Variants in NRG4 observed in about 807,000 individuals in gnomAD.
NRG4 encodes pro-neuregulin-4, membrane-bound isoform.
A neutral mutation model predicts 15.0 loss-of-function variants in NRG4; 10 were observed. The ratio of observed to expected loss-of-function variants is 0.67; its 90% confidence interval spans 0.41 to 1.13. The LOEUF is 1.13. Among genes scored for constraint, NRG4 ranks in the 50% most tolerant of loss-of-function variants. The probability of loss-of-function intolerance (pLI) is 0.00; values close to 1 mark genes in which losing one functional copy is unlikely to be tolerated. For missense variants in NRG4, 139 were observed against 140.2 expected, an observed-to-expected ratio of 0.99 and a Z score of 0.04; for synonymous variants, 41 against 50.1, an observed-to-expected ratio of 0.82 and a Z score of 0.77.
intron 3 of NRG4, among the ~76,000 whole-genome samples, chr15:76,006,793 G>A (rs540207516): frequency 1.3e-5 from 2 of 152,234 alleles, no homozygotes; most frequent in African/African-American, 2.4e-5. Context: ...CACTAAAAAC[G>A]CATCTATCCA....
At chr15:76,010,049 C>T (rs2034752183) in intron 2 of NRG4, among the ~76,000 whole-genome samples, 1 of 152,016 alleles carries the variant, frequency 6.6e-6, no homozygotes. Flanking sequence ...ATCTTTCTCT[C>T]TCTGCCTTCC....
At chr15:76,023,130 C>CCACACACACACA (rs10572540) in intron 5 of NRG4, among the ~76,000 whole-genome samples, 13 of 120,100 alleles carry the variant, frequency 1.1e-4, no homozygotes, top group East Asian at 2.6e-4. Context: ...CACCCATACT[C>CCACACACACACA]CACACACACA....
At chr15:76,036,899 G>A (rs2035607893) in intron 4 of NRG4, among the ~76,000 whole-genome samples, 1 of 151,868 alleles carries the variant, frequency 6.6e-6, no homozygotes, top group South Asian at 2.1e-4. Flanking sequence ...CAATTAGACA[G>A]GAAAAAGAAA....
chr15:75,973,696 C>T (rs185211867), intron 3 of NRG4, among the ~76,000 whole-genome samples: 2 of 152,264 alleles, frequency 1.3e-5, no homozygotes, highest in African/African-American at 4.8e-5. Context: ...TTAAACCAGC[C>T]TTGCATCCCA....
At chr15:76,038,001 C>T (rs1489343906) in intron 4 of NRG4, among the ~76,000 whole-genome samples, 1 of 152,184 alleles carries the variant, frequency 6.6e-6, no homozygotes, top group South Asian at 2.1e-4. Context: ...TCTAGACACA[C>T]CCTGGACCCA....
chr15:76,003,291 A>G (rs2034478955), intron 3 of NRG4, among the ~76,000 whole-genome samples: 1 of 152,148 alleles, frequency 6.6e-6, no homozygotes, highest in Admixed American at 6.5e-5. Context: ...CACATCAAAA[A>G]TCGTGAGCTG....
intron 5 of NRG4, among the ~76,000 whole-genome samples, chr15:76,027,956 A>G (rs1354423553): frequency 2.0e-5 from 3 of 152,190 alleles, no homozygotes; most frequent in Non-Finnish European, 4.4e-5. Context: ...AGGAAATCAG[A>G]AAGTCCCATG....
intron 5 of NRG4, among the ~76,000 whole-genome samples, chr15:76,035,428 C>T (rs575793691): frequency 3.3e-5 from 5 of 152,166 alleles, no homozygotes; most frequent in African/African-American, 9.7e-5. Context: ...TCAAGCTGGG[C>T]ACATTGCTGC....
At chr15:75,959,669 T>C (rs28777672) in intron 4 of NRG4, among the ~76,000 whole-genome samples, 6 of 151,760 alleles carry the variant, frequency 4.0e-5, no homozygotes, top group Non-Finnish European at 8.8e-5. Flanking sequence ...TAATTTTTTT[T>C]ATTTTTCATT....
intron 3 of NRG4, among the ~76,000 whole-genome samples, chr15:75,980,384 T>C (rs1463248393): frequency 2.6e-4 from 2 of 7,702 alleles, no homozygotes; most frequent in Non-Finnish European, 1.3e-3. Context: ...TCTTTGGGGA[T>C]TTTTTTTTTT....
intron 5 of NRG4, among the ~76,000 whole-genome samples, chr15:76,023,802 G>A (rs994201285): frequency 6.6e-5 from 10 of 152,194 alleles, no homozygotes; most frequent in African/African-American, 2.2e-4. Flanking sequence ...ACACAGCAGG[G>A]AAACCAATTC....
chr15:75,985,171 G>GA (rs1203874954), intron 3 of NRG4, among the ~76,000 whole-genome samples: 1 of 151,940 alleles, frequency 6.6e-6, no homozygotes, highest in African/African-American at 2.4e-5. Context: ...AAACAAAAGG[G>GA]AAAAAAATAA....
Position 75,961,962 on chromosome 15 carries a change from G to C in NRG4, c.117C>G (p.Asn39Lys). ...CCTCTTCACAACGAGCTCCTGTATA[G>C]TTTTCAACGCACCTACAGAATAAAA... ...IPSPFCRCVE[N>K]YTGARCEEVF... Residue 39 changes from asparagine (N) to lysine (K), a missense_variant, in exon 4 of 6, where the codon AAC becomes AAG. Coordinates refer to ENST00000394907, the MANE Select transcript of NRG4 (RefSeq NM_138573.4). 6.2e-7 allele frequency: 1 copy of C among 1,610,534 alleles called. No individual in the cohort carries two copies. Among genetic ancestry groups the C allele is most frequent in the Non-Finnish European group, 8.5e-7 (1 of 1,178,154 alleles).
At chr15:76,013,822 T>C (rs1172141865), upstream of NRG4, among the ~76,000 whole-genome samples, 1 of 152,212 alleles carries the variant, frequency 6.6e-6, no homozygotes, top group Non-Finnish European at 1.5e-5. Context: ...TGTGTCTTTA[T>C]AGTAGCATGA....
intron 5 of NRG4, among the ~76,000 whole-genome samples, chr15:76,024,481 C>G (rs1009883684): frequency 1.4e-4 from 22 of 152,252 alleles, no homozygotes; most frequent in African/African-American, 4.8e-4. Context: ...CCCTGACAGA[C>G]ATGCCCTCAG....
intron 3 of NRG4, among the ~76,000 whole-genome samples, chr15:76,008,396 C>T (rs1431609136): frequency 6.6e-6 from 1 of 152,100 alleles, no homozygotes; most frequent in Admixed American, 6.5e-5. Flanking sequence ...CTTTTCTATC[C>T]TTTTATGTAG....
intron 3 of NRG4, among the ~76,000 whole-genome samples, chr15:75,978,421 C>G (rs1282780174): frequency 6.6e-6 from 1 of 152,064 alleles, no homozygotes; most frequent in African/African-American, 2.4e-5. Flanking sequence ...GTGTCTATAC[C>G]TACATTTTCT....
At chr15:76,038,771 G>A (rs1349602673) in intron 4 of NRG4, among the ~76,000 whole-genome samples, 3 of 152,024 alleles carry the variant, frequency 2.0e-5, no homozygotes, top group Non-Finnish European at 4.4e-5. Flanking sequence ...AACATAAGTG[G>A]CAGCCAGGTA....
Position 75,955,931 on chromosome 15 carries a change from CTG to C in NRG4, c.330_331del (p.His110GlnfsTer3). 6.4e-7 allele frequency: 1 copy of C among 1,567,860 alleles called. No homozygotes were observed. On this transcript the variant is annotated frameshift_variant and splice_region_variant, in exon 5 of 6. Transcript: ENST00000394907. LOFTEE classifies it high-confidence loss of function. The stretch of plus-strand genomic sequence containing the variant: ...TAAGCATTTGTTTTGAGTTTACTCA[CTG>C]TGGTGGGCACTGGTACTGCTCGTCT...
Sources: allele counts gnomAD v4.1 joint callset (sites outside exome capture counted in the v4.1 genomes callset), GRCh38; gene constraint gnomAD v4.1.1; transcripts MANE v1.5; gene names NCBI Gene and HGNC (gene_info 2026-07-23, HGNC 2026-07-21).